The following PJA2 variants were observed in gnomAD, a reference collection of about 807,000 sequenced individuals.
The protein encoded by PJA2 is praja ring finger ubiquitin ligase 2.
PJA2 carries 25 observed loss-of-function variants against 69.3 expected under a neutral mutation model. The ratio of observed to expected loss-of-function variants is 0.36; its 90% CI spans 0.26 to 0.50. PJA2 has a LOEUF of 0.50. Ranked by LOEUF, PJA2 falls within the 20% of genes least tolerant of loss-of-function variation. The pLI is 0.96. For missense variants in PJA2, 809 were observed against 830.2 expected, an observed-to-expected ratio of 0.97 and a Z score of 0.31; for synonymous variants, 308 against 277.8, an observed-to-expected ratio of 1.11 and a Z score of -1.08.
intron 6 of PJA2, among the ~76,000 whole-genome samples, chr5:109,362,593 G>C (rs1762521380): frequency 6.6e-6 from 1 of 152,142 alleles, no homozygotes; most frequent in East Asian, 1.9e-4. Context: ...CTAAAAAAAA[G>C]TATGTAAGTA....
intron 4 of PJA2, among the ~76,000 whole-genome samples, chr5:109,373,938 G>C (rs967579785): frequency 6.6e-6 from 1 of 152,116 alleles, no homozygotes; most frequent in Admixed American, 6.5e-5. Context: ...AATTCCCCAA[G>C]GTACTTGTTA....
At chr5:109,396,563 A>C (rs1747416771) in intron 1 of PJA2, among the ~76,000 whole-genome samples, 1 of 150,388 alleles carries the variant, frequency 6.6e-6, no homozygotes, top group African/African-American at 2.4e-5. Flanking sequence ...AATAGCTGGG[A>C]TTACAGGCAT....
intron 1 of PJA2, chr5:109,390,837 T>C (rs1037087214): frequency 6.6e-6 from 1 of 152,172 alleles, no homozygotes; most frequent in Non-Finnish European, 1.5e-5. Flanking sequence ...CTTTCTCTAA[T>C]GAGTATTTTA....
chr5:109,340,192 G>A (rs1008805742), intron 9 of PJA2, among the ~76,000 whole-genome samples: 1 of 152,112 alleles, frequency 6.6e-6, no homozygotes, highest in Non-Finnish European at 1.5e-5. Flanking sequence ...TCTAATAATA[G>A]CTTTCATCTG....
At chr5:109,386,506 C>T (rs1166821067) in intron 1 of PJA2, among the ~76,000 whole-genome samples, 2 of 152,184 alleles carry the variant, frequency 1.3e-5, no homozygotes, top group Middle Eastern at 3.2e-3. Flanking sequence ...CTTAAAGATA[C>T]TCTTCGGAGC....
rs540965427 is a variant in PJA2 at position 109,337,776 on chromosome 5, C to G, written c.2002-420G>C. On this transcript the variant is annotated intron_variant, in intron 9 of 9. Coordinates refer to ENST00000361189, the MANE Select transcript of PJA2 (RefSeq NM_014819.5). Reference sequence around the variant, plus strand: ...ATGCGTTTACTAGAGAAACCACAGACCTACTTTAATTCACACCAAATCATT... The same window carrying G: ...ATGCGTTTACTAGAGAAACCACAGAGCTACTTTAATTCACACCAAATCATT... Among the ~76,000 whole-genome samples the G allele has an allele frequency of 9.0e-4, 137 of 151,952 alleles. 1 individual carries two copies. Among genetic ancestry groups the G allele is most frequent in the African/African-American group, 3.3e-3 (135 of 41,472 alleles).
intron 4 of PJA2, among the ~76,000 whole-genome samples, chr5:109,369,878 C>A (rs897438384): frequency 2.0e-5 from 3 of 151,904 alleles, no homozygotes; most frequent in Non-Finnish European, 4.4e-5. Context: ...ACTAAAAATA[C>A]AAAATTAGCT....
At chr5:109,384,084 A>G (rs1747108248) in intron 1 of PJA2, among the ~76,000 whole-genome samples, 1 of 152,234 alleles carries the variant, frequency 6.6e-6, no homozygotes, top group South Asian at 2.1e-4. Flanking sequence ...AATGACAACA[A>G]CACATACATA....
chr5:109,393,237 G>T (rs79412174), intron 1 of PJA2, among the ~76,000 whole-genome samples: 3 of 152,068 alleles, frequency 2.0e-5, no homozygotes, highest in Admixed American at 1.3e-4. Flanking sequence ...ATATGAAAAG[G>T]TATCAATTTC....
At chr5:109,407,788 T>C (rs1747723475) in intron 1 of PJA2, among the ~76,000 whole-genome samples, 1 of 152,042 alleles carries the variant, frequency 6.6e-6, no homozygotes, top group Non-Finnish European at 1.5e-5. Flanking sequence ...CAGGAAGGAA[T>C]GTTATACGTA....
At chr5:109,390,590 T>G (rs563272033) in intron 1 of PJA2, 2 of 152,100 alleles carry the variant, frequency 1.3e-5, no homozygotes, top group Non-Finnish European at 2.9e-5. Flanking sequence ...ATTACCAATG[T>G]AGTCTGGTTT....
rs373160073 is a variant in PJA2, at chr5:109,362,132, T to A, written c.1652+708A>T. On this transcript the variant is annotated intron_variant, in intron 6 of 9. Transcript: ENST00000361189. ...AAACAAGTGTAAATACACCAAGATA[T>A]CTTTTTTGCCCCAGAAAAAGTAAAA... Among the ~76,000 whole-genome samples, 14 of 152,326 alleles carry A rather than the reference T, an allele frequency of 9.2e-5. No homozygotes were observed. In the East Asian group the frequency reaches 2.3e-3, roughly 25 times the overall value.
chr5:109,355,265 T>G (rs957528103), intron 7 of PJA2, among the ~76,000 whole-genome samples: 7 of 152,194 alleles, frequency 4.6e-5, no homozygotes, highest in Non-Finnish European at 7.4e-5. Flanking sequence ...GTACCTATAT[T>G]TTGGAAATCA....
At chr5:109,407,991 TAGA>T (rs1246302729) in intron 1 of PJA2, among the ~76,000 whole-genome samples, 2 of 152,306 alleles carry the variant, frequency 1.3e-5, no homozygotes, top group South Asian at 2.1e-4. Flanking sequence ...AAAGTTTACC[TAGA>T]AGAAGAAATG....
intron 7 of PJA2, among the ~76,000 whole-genome samples, chr5:109,346,584 G>A (rs2126988401): frequency 6.6e-6 from 1 of 152,338 alleles, no homozygotes; most frequent in Non-Finnish European, 1.5e-5. Context: ...CCTTGAAAAG[G>A]AAGGAAATTC....
chr5:109,356,833 C>A (rs1762420176), intron 6 of PJA2, among the ~76,000 whole-genome samples: 1 of 152,046 alleles, frequency 6.6e-6, no homozygotes, highest in African/African-American at 2.4e-5. Flanking sequence ...CCTAACTGCT[C>A]ATTTTTAATT....
Position 109,368,644 on chromosome 5 carries a change from T to C in PJA2, c.1386A>G (p.Pro462=), listed in dbSNP as rs1189812140. The change falls in exon 5 of 10, where the codon CCA becomes CCG. Residue 462 remains proline (P), a synonymous_variant. Coordinates refer to ENST00000361189, the MANE Select transcript of PJA2 (RefSeq NM_014819.5). ...SSSDESWETL[P]GKDENEPELQ... Reference sequence around the variant, plus strand: ...GCTCAGGTTCATTCTCATCTTTTCCTGGCAGAGTCTCCCAGCTTTCATCAC... The same window carrying C: ...GCTCAGGTTCATTCTCATCTTTTCCCGGCAGAGTCTCCCAGCTTTCATCAC... The C allele has an allele frequency of 6.2e-7, 1 of 1,614,092 alleles. No individual in the cohort carries two copies. The highest frequency in any genetic ancestry group is 2.2e-5 in the East Asian group (1 of 44,886).
At chr5:109,381,161 AG>A (rs1421719384) in intron 3 of PJA2, among the ~76,000 whole-genome samples, 2 of 151,982 alleles carry the variant, frequency 1.3e-5, no homozygotes, top group Admixed American at 6.6e-5. Context: ...TATTATATGC[AG>A]GGAAAAAATA....
chr5:109,363,028 A>G lies in PJA2; in HGVS notation c.1470-6T>C. The G allele has an allele frequency of 6.4e-7, 1 of 1,563,612 alleles. No homozygotes were observed. The highest frequency in any genetic ancestry group is 1.2e-5 in the South Asian group (1 of 83,736). ...CTTCCAAGGATGTCTGTTCCCTAGTACAAACATTTTAAAGGAAGAAAAAAA... is the reference window on the plus strand; with the variant it reads ...CTTCCAAGGATGTCTGTTCCCTAGTGCAAACATTTTAAAGGAAGAAAAAAA... On this transcript the variant is annotated splice_polypyrimidine_tract_variant and splice_region_variant and intron_variant, in intron 5 of 9. Transcript: ENST00000361189.
Sources: gnomAD v4.1 joint callset for allele counts (sites outside exome capture counted in the v4.1 genomes callset) on GRCh38, gnomAD v4.1.1 for gene constraint, MANE v1.5 for transcripts, NCBI Gene and HGNC (gene_info 2026-07-23, HGNC 2026-07-21) for gene names.